MMAA: variants seen among roughly 807,000 people sequenced by gnomAD.
MMAA encodes the protein methylmalonic aciduria type A protein, mitochondrial.
Under a neutral mutation model 45.0 loss-of-function variants are expected in MMAA, and 41 were observed. The observed-to-expected ratio is 0.91, with a 90% CI of 0.71 to 1.18. The LOEUF is 1.18. Ranked by LOEUF, MMAA falls within the 50% of genes most tolerant of loss-of-function variation. The pLI, the probability that MMAA is intolerant of heterozygous loss-of-function variation, is 0.00. For missense variants in MMAA, 460 were observed against 495.7 expected (o/e 0.93, Z 0.68); for synonymous variants, 154 against 178.2 (o/e 0.86, Z 1.08).
At chr4:145,635,967 C>G (rs979590431) in intron 1 of MMAA, among the ~76,000 whole-genome samples, 1 of 152,202 alleles carries the variant, frequency 6.6e-6, no homozygotes, top group Non-Finnish European at 1.5e-5. Flanking sequence ...AATCTTGGCC[C>G]TGCCACTGGC....
At chr4:145,638,911 C>T (rs1052060431) in intron 1 of MMAA, among the ~76,000 whole-genome samples, 164 bp from the exon 2 acceptor site, 3 of 152,130 alleles carry the variant, frequency 2.0e-5, no homozygotes, top group Non-Finnish European at 4.4e-5. Context: ...AGGGAGTCTT[C>T]TCTTTTAAGT....
At position 145,639,131 on chromosome 4, in the gene MMAA, A is replaced by G. The variant is rs765634183; in HGVS notation, c.-9A>G. On this transcript the variant is annotated 5_prime_UTR_variant, in exon 2 of 7. It adds an upstream start codon to the 5' untranslated region. Transcript: ENST00000649156. ...TCCAGTGTTTTCTCCAGTTACAAAT[A>G]AAACGAATATGCCCATGCTGCTACC... 15 of 1,614,132 alleles carry G rather than the reference A, an allele frequency of 9.3e-6. No individual in the cohort carries two copies. Among genetic ancestry groups the G allele is most frequent in the South Asian group, 4.4e-5 (4 of 91,070 alleles).
chr4:145,654,221 A>G, intron 6 of MMAA, 78 bp downstream of exon 6: 2 of 1,512,922 alleles, frequency 1.3e-6, no homozygotes, highest in Non-Finnish European at 9.2e-7. Context: ...GTCCCAAACT[A>G]GACATATAAT....
At chr4:145,632,128 C>T (rs1242459165) in intron 1 of MMAA, among the ~76,000 whole-genome samples, 2 of 152,198 alleles carry the variant, frequency 1.3e-5, no homozygotes, top group Non-Finnish European at 2.9e-5. Flanking sequence ...TTTCTTATTG[C>T]TCACTAATGT....
At chr4:145,633,683 G>C (rs1248603506) in intron 1 of MMAA, among the ~76,000 whole-genome samples, 1 of 152,124 alleles carries the variant, frequency 6.6e-6, no homozygotes, top group Non-Finnish European at 1.5e-5. Flanking sequence ...TAAGGACTTA[G>C]GTATTTATTG....
chr4:145,653,855 G>A lies in MMAA; in HGVS notation c.820-139G>A, dbSNP rs139995128. On this transcript the variant is annotated intron_variant, in intron 5 of 6. Transcript: ENST00000649156. ...AATGCTTTTGAGTAATTTCTGTCAAGTAATGGTGATTCTTGGCATCCAGGG... is the reference window on the plus strand; with the variant it reads ...AATGCTTTTGAGTAATTTCTGTCAAATAATGGTGATTCTTGGCATCCAGGG... 9.2e-4 allele frequency: 815 copies of A among 888,836 alleles called. 4 individuals carry two copies. In the African/African-American group the frequency reaches 0.012, roughly 13 times the overall value. The allele number at this position is 888,836 out of a possible 1,614,324, so 55.1% of individuals were successfully genotyped here. A position where few individuals can be genotyped will look rare whatever the true frequency, so the allele number is the denominator to read the frequency against.
rs752613281 is a variant in MMAA at position 145,656,741 on chromosome 4, A to G, written c.*1307A>G. ...TCGCCATTGCACAAAAAGCCTTTAT[A>G]GAAGTTTCTAACATATTCTATTCTG... On this transcript the variant is annotated 3_prime_UTR_variant, in exon 7 of 7. Coordinates refer to ENST00000649156, the MANE Select transcript of MMAA (RefSeq NM_172250.3). 2 of 152,214 alleles carry G rather than the reference A, an allele frequency of 1.3e-5. No homozygotes were observed. Among genetic ancestry groups the G allele is most frequent in the African/African-American group, 2.4e-5 (1 of 41,462 alleles). 9.4% of individuals were successfully genotyped at this position (152,214 alleles called of 1,614,324 possible). A position where few individuals can be genotyped will look rare whatever the true frequency, so the allele number is the denominator to read the frequency against.
intron 4 of MMAA, 144 bp downstream of exon 4, chr4:145,646,300 T>G: frequency 1.1e-6 from 1 of 916,680 alleles, no homozygotes; most frequent in Non-Finnish European, 1.7e-6. Flanking sequence ...CTAGAAGATA[T>G]GAATGTATAG....
Position 145,621,581 on chromosome 4 carries a change from C to T in MMAA, c.-66+2174C>T, listed in dbSNP as rs561225910. ...ATTATTTGAAAAAGAGAAAATAAAG[C>T]CTTCTGTGGTTGGGGGGGGTGGAAT... On this transcript the variant is annotated intron_variant, in intron 1 of 6. Transcript: ENST00000649156. Among the ~76,000 whole-genome samples the T allele has an allele frequency of 1.8e-4, 27 of 152,218 alleles. No individual in the cohort carries two copies. In the South Asian group the frequency reaches 3.3e-3, roughly 19 times the overall value.
intron 4 of MMAA, among the ~76,000 whole-genome samples, chr4:145,648,436 G>A (rs1413396631): frequency 2.0e-5 from 3 of 152,132 alleles, no homozygotes; most frequent in Admixed American, 1.3e-4. Flanking sequence ...GTGAGCTACC[G>A]CACCCGGCCT....
At chr4:145,624,722 G>A in intron 1 of MMAA, 1 of 1,573,958 alleles carries the variant, frequency 6.4e-7, no homozygotes, top group Non-Finnish European at 8.7e-7. Flanking sequence ...TTCCTTCTTT[G>A]TTCAGAAGCC....
At chr4:145,621,109 A>T (rs1247982283) in intron 1 of MMAA, among the ~76,000 whole-genome samples, 1 of 152,226 alleles carries the variant, frequency 6.6e-6, no homozygotes, top group Non-Finnish European at 1.5e-5. Flanking sequence ...CACCTGCTTG[A>T]TGCCAGGCCC....
chr4:145,629,318 G>A (rs1229436993), intron 1 of MMAA, among the ~76,000 whole-genome samples: 3 of 152,044 alleles, frequency 2.0e-5, no homozygotes. Flanking sequence ...TTTTAGTAGA[G>A]ACAGGGTTTC....
chr4:145,639,021 C>A, intron 1 of MMAA, 54 bp from the exon 2 acceptor site: 1 of 915,106 alleles, frequency 1.1e-6, no homozygotes, highest in South Asian at 1.4e-5. Flanking sequence ...AATTTTACTA[C>A]TTCAGTATTT....
intron 1 of MMAA, among the ~76,000 whole-genome samples, chr4:145,622,860 A>C (rs1734116695): frequency 6.6e-6 from 1 of 152,164 alleles, no homozygotes; most frequent in Non-Finnish European, 1.5e-5. Context: ...AATAATACAA[A>C]GCTCTTTCAG....
chr4:145,647,938 C>G (rs190905760), intron 4 of MMAA, among the ~76,000 whole-genome samples: 243 of 151,946 alleles, frequency 1.6e-3, no homozygotes, highest in African/African-American at 5.7e-3. Flanking sequence ...CTCACTGCAA[C>G]CTCCGCCTCC....
Position 145,648,201 on chromosome 4 carries a change from G to A in MMAA, c.733+2045G>A, listed in dbSNP as rs1308171941. Among the ~76,000 whole-genome samples the A allele has an allele frequency of 2.0e-5, 3 of 146,940 alleles. No homozygotes were observed. The East Asian group carries it at 6.1e-4, about 30-fold the overall frequency. ...CTCGCTCTGTTGTCCAGGCTGGAGT[G>A]TAGTGGTGCAATCTTGGCTCACTGC... is the stretch of plus-strand genomic sequence containing the variant. On this transcript the variant is annotated intron_variant, in intron 4 of 6. Coordinates refer to ENST00000649156, the MANE Select transcript of MMAA (RefSeq NM_172250.3).
At position 145,639,305 on chromosome 4, in the gene MMAA, C is replaced by T. The variant is rs2126617212; in HGVS notation, c.166C>T (p.Leu56=). 1.2e-6 allele frequency: 2 copies of T among 1,614,162 alleles called. No individual in the cohort carries two copies. Among genetic ancestry groups the T allele is most frequent in the Non-Finnish European group, 1.7e-6 (2 of 1,180,032 alleles). The change falls in exon 2 of 7, where the codon CTG becomes TTG. Residue 56 remains leucine, a synonymous_variant. Transcript: ENST00000649156. ...TGGACTCCATTGTACAAAGTGGATG[C>T]TGCTGTCAGATGGCTTAAAGAGAAA... is the stretch of plus-strand genomic sequence containing the variant. ...SLGLHCTKWM[L]LSDGLKRKLC... is the part of the protein sequence containing the mutation.
chr4:145,651,003 G>C (rs1728072611), intron 4 of MMAA, 59 bp from the exon 5 acceptor site: 2 of 1,465,172 alleles, frequency 1.4e-6, no homozygotes, highest in Admixed American at 3.3e-5. Context: ...GGTCAATGTA[G>C]TTGAGAAAGT....
Sources: gnomAD v4.1 joint callset for allele counts (sites outside exome capture counted in the v4.1 genomes callset) on GRCh38, gnomAD v4.1.1 for gene constraint, MANE v1.5 for transcripts, NCBI Gene and HGNC (gene_info 2026-07-23, HGNC 2026-07-21) for gene names.